Variants in ERBB4 observed in about 807,000 individuals in gnomAD.
ERBB4 encodes receptor tyrosine-protein kinase erbB-4.
Under a neutral mutation model 158.0 loss-of-function variants are expected in ERBB4, and 42 were observed. The observed-to-expected ratio is 0.27, with a 90% CI of 0.21 to 0.34. The LOEUF (loss-of-function observed/expected upper bound fraction) is 0.34, where lower values mean the gene tolerates loss of function less well. ERBB4 is among the 10% of genes least tolerant of loss of function. The pLI, the probability that ERBB4 is intolerant of heterozygous loss-of-function variation, is 1.00. For missense variants in ERBB4, 1,333 were observed against 1,624.1 expected, an observed-to-expected ratio of 0.82 and a Z score of 3.08; for synonymous variants, 583 against 558.7, an observed-to-expected ratio of 1.04 and a Z score of -0.61.
In ERBB4 at chr2:212,501,730, T is replaced by C. The variant is rs190605066; in HGVS notation, c.82+36719A>G. Among the ~76,000 whole-genome samples, 590 of 152,306 alleles carry C rather than the reference T, an allele frequency of 3.9e-3. 6 individuals are homozygous for C. The highest frequency in any genetic ancestry group is 0.013 in the African/African-American group (561 of 41,570). ...AAAGGTTGAGCTCCATCTTGGACTT[T>C]CTTCACAGAACCTGACATAAACTTT... is the stretch of plus-strand genomic sequence containing the variant. On this transcript the variant is annotated intron_variant, in intron 1 of 27. Transcript: ENST00000342788.
At chr2:212,215,536 AAAT>A (rs2083072276) in intron 1 of ERBB4, among the ~76,000 whole-genome samples, 3 of 151,452 alleles carry the variant, frequency 2.0e-5, no homozygotes, top group South Asian at 2.1e-4. Context: ...CATGAAATAG[AAAT>A]AATAACATGA....
At chr2:212,518,208 A>G (rs1023015812) in intron 1 of ERBB4, among the ~76,000 whole-genome samples, 4 of 152,054 alleles carry the variant, frequency 2.6e-5, no homozygotes, top group African/African-American at 9.7e-5. Context: ...GATAAGCACA[A>G]TAAGCACACG....
chr2:211,562,297 A>G (rs1466501031), intron 19 of ERBB4, among the ~76,000 whole-genome samples: 1 of 152,240 alleles, frequency 6.6e-6, no homozygotes, highest in Non-Finnish European at 1.5e-5. Flanking sequence ...CTCTACATGC[A>G]TTAACATGGA....
intron 2 of ERBB4, among the ~76,000 whole-genome samples, chr2:212,081,594 T>C (rs571361822): frequency 6.6e-6 from 1 of 152,154 alleles, no homozygotes; most frequent in African/African-American, 2.4e-5. Flanking sequence ...ATACATTTAC[T>C]GATTAAAAAG....
At chr2:211,854,568 T>C (rs748277063) in intron 3 of ERBB4, among the ~76,000 whole-genome samples, 5 of 152,152 alleles carry the variant, frequency 3.3e-5, no homozygotes, top group Non-Finnish European at 7.4e-5. Flanking sequence ...ATAAACTATA[T>C]AAATGAAATG....
intron 1 of ERBB4, among the ~76,000 whole-genome samples, chr2:212,209,716 C>T (rs1042481400): frequency 6.6e-6 from 1 of 152,190 alleles, no homozygotes; most frequent in Non-Finnish European, 1.5e-5. Context: ...GAGGGTGAGG[C>T]ACTAATCCAA....
intron 2 of ERBB4, among the ~76,000 whole-genome samples, chr2:212,020,296 A>G (rs1027573691): frequency 6.6e-6 from 1 of 152,120 alleles, no homozygotes; most frequent in African/African-American, 2.4e-5. Context: ...TCAATATGCT[A>G]GGACAATATT....
chr2:211,580,907 A>ACAC lies in ERBB4; in HGVS notation c.2302-18820_2302-18819insGTG, dbSNP rs58483804. ...TATATATATATATATATATATATAT[A>ACAC]TATATATATGATGGAATACTACTTA... On this transcript the variant is annotated intron_variant, in intron 19 of 27. Coordinates refer to ENST00000342788, the MANE Select transcript of ERBB4 (RefSeq NM_005235.3). 2.5e-3 allele frequency among the ~76,000 whole-genome samples: 233 copies of ACAC among 91,794 alleles called. 46 individuals are homozygous for ACAC. Among genetic ancestry groups the ACAC allele is most frequent in the Middle Eastern group, 5.0e-3 (1 of 200 alleles). 60.2% of individuals were successfully genotyped at this position (91,794 alleles called of 152,430 possible).
chr2:211,709,928 C>A (rs1233540622), intron 9 of ERBB4, among the ~76,000 whole-genome samples: 2 of 152,038 alleles, frequency 1.3e-5, no homozygotes, highest in Non-Finnish European at 2.9e-5. Flanking sequence ...CTTTTTATTT[C>A]CTGGTACTTC....
At chr2:211,390,967 T>C (rs2062787416) in intron 25 of ERBB4, among the ~76,000 whole-genome samples, 1 of 152,174 alleles carries the variant, frequency 6.6e-6, no homozygotes, top group South Asian at 2.1e-4. Context: ...AAGCACCTCA[T>C]TCACTTCCCC....
chr2:211,561,750 A>G, intron 20 of ERBB4, 153 bp downstream of exon 20: 1 of 716,844 alleles, frequency 1.4e-6, no homozygotes, highest in Non-Finnish European at 2.5e-6. Flanking sequence ...TAGTTTACCT[A>G]AAAGTACCTC....
chr2:211,751,130 T>C (rs1338222312), intron 4 of ERBB4, among the ~76,000 whole-genome samples: 2 of 152,146 alleles, frequency 1.3e-5, no homozygotes. Context: ...TAAGTGGAAA[T>C]CTATGAGAAC....
chr2:211,970,287 G>T (rs1412391581), intron 2 of ERBB4, among the ~76,000 whole-genome samples: 1 of 152,130 alleles, frequency 6.6e-6, no homozygotes, highest in Non-Finnish European at 1.5e-5. Flanking sequence ...ATTTACTGAG[G>T]AGTGTTTTAC....
intron 2 of ERBB4, among the ~76,000 whole-genome samples, chr2:212,046,834 A>G (rs994743920): frequency 1.2e-4 from 19 of 152,098 alleles, no homozygotes; most frequent in Non-Finnish European, 1.2e-4. Context: ...TTTCTCCCAA[A>G]AGTTCAAGGT....
intron 1 of ERBB4, among the ~76,000 whole-genome samples, chr2:212,513,950 C>G (rs115297028): frequency 0.022 from 3,321 of 152,238 alleles, 117 homozygotes; most frequent in African/African-American, 0.076. Flanking sequence ...CTCCAAAATA[C>G]AGACCACTTT....
chr2:212,514,152 C>T (rs1411495735), intron 1 of ERBB4, among the ~76,000 whole-genome samples: 1 of 151,840 alleles, frequency 6.6e-6, no homozygotes, highest in African/African-American at 2.4e-5. Context: ...TCAACAGTAA[C>T]TGTGTCAATG....
chr2:211,639,052 C>A (rs1006653112), intron 16 of ERBB4, among the ~76,000 whole-genome samples: 1 of 152,124 alleles, frequency 6.6e-6, no homozygotes, highest in African/African-American at 2.4e-5. Flanking sequence ...CCAGGAAGAA[C>A]TTTCCTTTTA....
rs571093403 is a variant in ERBB4, at chr2:211,418,877, C to CTT, written c.3135+1562_3135+1563dup. 5.8e-3 allele frequency among the ~76,000 whole-genome samples: 885 copies of CTT among 152,096 alleles called. 11 individuals are homozygous for CTT. The highest frequency in any genetic ancestry group is 0.018 in the South Asian group (85 of 4,820). Reference sequence around the variant, plus strand: ...CTATCCATTGATCTAATTTTTAAAACTTTTAGTTATCTATTCCCCATTGGG... The same window carrying CTT: ...CTATCCATTGATCTAATTTTTAAAACTTTTTTAGTTATCTATTCCCCATTGGG... On this transcript the variant is annotated intron_variant, in intron 25 of 27. Transcript: ENST00000342788.
intron 1 of ERBB4, among the ~76,000 whole-genome samples, chr2:212,215,446 G>A (rs1022823993): frequency 2.0e-5 from 3 of 151,216 alleles, no homozygotes; most frequent in Admixed American, 6.6e-5. Context: ...TGTGTATTGT[G>A]CAAATTTTAG....
Sources: gnomAD v4.1 joint callset for allele counts (sites outside exome capture counted in the v4.1 genomes callset) on GRCh38, gnomAD v4.1.1 for gene constraint, MANE v1.5 for transcripts, NCBI Gene and HGNC (gene_info 2026-07-23, HGNC 2026-07-21) for gene names.